The following BTG4 variants were observed in gnomAD, a reference collection of about 807,000 sequenced individuals.
BTG4 encodes the protein protein BTG4.
A neutral mutation model predicts 19.3 loss-of-function variants in BTG4; 10 were observed. The observed-to-expected ratio is 0.52, with a 90% CI of 0.32 to 0.88. The LOEUF is 0.88. Ranked by LOEUF, BTG4 falls within the 40% of genes least tolerant of loss-of-function variation. The pLI is 0.04. For synonymous variants in BTG4, 91 were observed against 95.7 expected, an observed-to-expected ratio of 0.95 and a Z score of 0.29; for missense variants, 238 against 281.9, an observed-to-expected ratio of 0.84 and a Z score of 1.11.
At chr11:111,435,876 G>A in the BTG4 span, among the ~76,000 whole-genome samples, 17 of 152,118 alleles carry the variant, frequency 1.1e-4, no homozygotes, top group Admixed American at 2.0e-4. Context: ...CCAGCTGTAA[G>A]TCCAAGGTTT....
chr11:111,389,477 C>T, the BTG4 span, among the ~76,000 whole-genome samples: 58,571 of 152,084 alleles, frequency 0.39, 12,145 homozygotes, highest in Non-Finnish European at 0.47. Context: ...GACTAATGAA[C>T]AAAGTAAGCT....
chr11:111,494,913 A>T lies in BTG4; in HGVS notation c.*222T>A, dbSNP rs914610689. ...TTCATTCTGTTACCTTACTGGGTACATTCACTGATGTTACATAAAACTTCA... is the reference window on the plus strand; with the variant it reads ...TTCATTCTGTTACCTTACTGGGTACTTTCACTGATGTTACATAAAACTTCA... On this transcript the variant is annotated 3_prime_UTR_variant, in exon 5 of 5. Transcript: ENST00000692032. 1.0e-6 allele frequency: 1 copy of T among 984,896 alleles called. No individual in the cohort carries two copies. Among genetic ancestry groups the T allele is most frequent in the Non-Finnish European group, 1.2e-6 (1 of 829,534 alleles). The allele number at this position is 984,896 out of a possible 1,614,324, so 61.0% of individuals were successfully genotyped here.
chr11:111,455,199 C>T, the BTG4 span: 3 of 389,812 alleles, frequency 7.7e-6, no homozygotes, highest in Non-Finnish European at 1.6e-5. Context: ...GTTCCATCTC[C>T]CTGGCCCTAA....
the BTG4 span, among the ~76,000 whole-genome samples, chr11:111,392,618 T>G: frequency 1.3e-5 from 2 of 152,312 alleles, no homozygotes; most frequent in Admixed American, 1.3e-4. Context: ...AGGGATCACA[T>G]GTGAGAACCA....
intron 5 of BTG4, among the ~76,000 whole-genome samples, chr11:111,481,288 T>C (rs1310061416): frequency 1.3e-5 from 2 of 151,930 alleles, no homozygotes; most frequent in Admixed American, 1.3e-4. Context: ...ATTGAATTTA[T>C]AATTTTTTGA....
At chr11:111,449,196 A>AT in the BTG4 span, 1 of 151,586 alleles carries the variant, frequency 6.6e-6, no homozygotes. Flanking sequence ...TTTATTGCTC[A>AT]TTTCCCCGCC....
chr11:111,462,042 C>T, the BTG4 span: 1 of 152,744 alleles, frequency 6.5e-6, no homozygotes, highest in Non-Finnish European at 1.5e-5. Flanking sequence ...AGGTGAGGCC[C>T]AGAGGCACCA....
the BTG4 span, among the ~76,000 whole-genome samples, chr11:111,437,985 G>C: frequency 6.6e-6 from 1 of 152,200 alleles, no homozygotes; most frequent in African/African-American, 2.4e-5. Context: ...GAGGGGAACT[G>C]ACAGCTATGA....
chr11:111,385,244 T>A, the BTG4 span: 1 of 152,098 alleles, frequency 6.6e-6, no homozygotes, highest in Non-Finnish European at 1.5e-5. Flanking sequence ...TGAGAGAAAC[T>A]GAATCTTTCT....
the BTG4 span, among the ~76,000 whole-genome samples, chr11:111,445,737 C>T: frequency 6.6e-6 from 1 of 152,276 alleles, no homozygotes; most frequent in South Asian, 2.1e-4. Context: ...AAATCCTGTC[C>T]AGTGACCTGA....
chr11:111,512,833 C>A, upstream of BTG4: 1 of 353,054 alleles, frequency 2.8e-6, no homozygotes. Context: ...GGGCCGCTTG[C>A]GCCCAGCCAT....
At chr11:111,442,710 A>G in the BTG4 span, among the ~76,000 whole-genome samples, 4 of 1,706 alleles carry the variant, frequency 2.3e-3, no homozygotes, top group African/African-American at 2.4e-3. Flanking sequence ...AAAGACAGGG[A>G]AAAAAAAAAA....
chr11:111,498,269 A>C (rs1017477531), intron 2 of BTG4, 134 bp from the exon 3 acceptor site: 190 of 907,408 alleles, frequency 2.1e-4, no homozygotes, highest in Admixed American at 7.8e-4. Flanking sequence ...AGCCTCCTCC[A>C]CCCTCCACTC....
upstream of BTG4, chr11:111,512,889 C>G (rs1867051809): frequency 2.4e-6 from 1 of 424,774 alleles, no homozygotes; most frequent in Admixed American, 2.8e-5. Flanking sequence ...GGGCCCCGAC[C>G]CCGCGTCGGC....
At chr11:111,423,208 T>C in the BTG4 span, among the ~76,000 whole-genome samples, 1 of 152,124 alleles carries the variant, frequency 6.6e-6, no homozygotes, top group Non-Finnish European at 1.5e-5. Flanking sequence ...CTCCCCCTAC[T>C]GAGAGCTCGC....
upstream of BTG4, chr11:111,514,488 TGG>T: frequency 2.8e-6 from 1 of 358,308 alleles, no homozygotes; most frequent in Non-Finnish European, 5.3e-6. Flanking sequence ...GGAGAGGATG[TGG>T]CAGCCCACTG....
intron 5 of BTG4, among the ~76,000 whole-genome samples, chr11:111,489,404 C>T (rs1352313253): frequency 6.6e-6 from 1 of 152,148 alleles, no homozygotes; most frequent in Non-Finnish European, 1.5e-5. Flanking sequence ...AATAGAACTA[C>T]CATATGATCC....
At chr11:111,441,903 A>G in the BTG4 span, among the ~76,000 whole-genome samples, 2 of 151,786 alleles carry the variant, frequency 1.3e-5, no homozygotes, top group East Asian at 3.9e-4. Context: ...TACTAAAAAT[A>G]CAAAAATTAG....
At chr11:111,398,065 G>A in the BTG4 span, 1 of 152,318 alleles carries the variant, frequency 6.6e-6, no homozygotes, top group Admixed American at 6.5e-5. Flanking sequence ...GTGGAAAGAA[G>A]AGGGTAGTCA....
Sources: allele counts gnomAD v4.1 joint callset (sites outside exome capture counted in the v4.1 genomes callset), GRCh38; gene constraint gnomAD v4.1.1; transcripts MANE v1.5; gene names NCBI Gene and HGNC (gene_info 2026-07-23, HGNC 2026-07-21).